CTIF: variants seen among roughly 807,000 people sequenced by gnomAD.
CTIF encodes cap binding complex dependent translation initiation factor.
CTIF carries 21 observed loss-of-function variants against 66.0 expected under a neutral mutation model. The ratio of observed to expected loss-of-function variants is 0.32; its 90% confidence interval spans 0.23 to 0.46. CTIF has a LOEUF of 0.46. CTIF is among the 20% of genes least tolerant of loss of function. The probability of loss-of-function intolerance (pLI) is 1.00; values close to 1 mark genes in which losing one functional copy is unlikely to be tolerated. For synonymous variants in CTIF, 345 were observed against 326.4 expected, an observed-to-expected ratio of 1.06 and a Z score of -0.62; for missense variants, 739 against 812.7, an observed-to-expected ratio of 0.91 and a Z score of 1.10.
At chr18:48,562,567 G>A (rs1178425024) in intron 1 of CTIF, among the ~76,000 whole-genome samples, 2 of 152,186 alleles carry the variant, frequency 1.3e-5, no homozygotes, top group Admixed American at 1.3e-4. Flanking sequence ...ACCTCTGGAG[G>A]CTATAACATC....
chr18:48,686,732 T>G (rs955695723), intron 6 of CTIF, among the ~76,000 whole-genome samples: 1 of 152,326 alleles, frequency 6.6e-6, no homozygotes, highest in South Asian at 2.1e-4. Context: ...TTCTGCTGTT[T>G]CCTGCCAACA....
At chr18:48,758,933 G>C (rs1215233930) in intron 8 of CTIF, among the ~76,000 whole-genome samples, 1 of 152,180 alleles carries the variant, frequency 6.6e-6, no homozygotes. Flanking sequence ...TCATCACCCA[G>C]AGGCCAGGGA....
At chr18:48,787,944 T>C (rs976726431) in intron 9 of CTIF, among the ~76,000 whole-genome samples, 9 of 152,184 alleles carry the variant, frequency 5.9e-5, no homozygotes, top group African/African-American at 2.2e-4. Flanking sequence ...CTGCGTTTGG[T>C]GTCTGTCCTG....
At chr18:48,688,203 C>T (rs1455993156) in intron 6 of CTIF, 1 of 152,304 alleles carries the variant, frequency 6.6e-6, no homozygotes, top group Admixed American at 6.5e-5. Flanking sequence ...CTCCTCCTCT[C>T]AAGAACACTA....
chr18:48,832,692 T>G (rs2068719331), intron 10 of CTIF, among the ~76,000 whole-genome samples: 1 of 152,158 alleles, frequency 6.6e-6, no homozygotes, highest in Non-Finnish European at 1.5e-5. Context: ...ATTAAGACCT[T>G]CTCCCTTACT....
At chr18:48,602,342 C>T (rs1036766491) in intron 1 of CTIF, among the ~76,000 whole-genome samples, 8 of 152,158 alleles carry the variant, frequency 5.3e-5, no homozygotes, top group African/African-American at 1.7e-4. Context: ...CTCATGCATG[C>T]TAAACAATGC....
chr18:48,740,993 T>G (rs943739033), intron 7 of CTIF, among the ~76,000 whole-genome samples: 2 of 152,260 alleles, frequency 1.3e-5, no homozygotes, highest in Non-Finnish European at 2.9e-5. Context: ...TCTTTATGCC[T>G]GTTTCATCAG....
rs565124179 is a variant in CTIF, at chr18:48,861,272, G to C, written c.*1713G>C. Reference sequence around the variant, plus strand: ...GCCTGTTGGCGACAAGGTGTAGGGGGCACAAGTTTACCTGAAACAGGTCAG... The same window carrying C: ...GCCTGTTGGCGACAAGGTGTAGGGGCCACAAGTTTACCTGAAACAGGTCAG... On this transcript the variant is annotated 3_prime_UTR_variant, in exon 12 of 12. Transcript: ENST00000256413. The C allele has an allele frequency of 6.6e-6, 1 of 152,296 alleles. No individual in the cohort carries two copies. The highest frequency in any genetic ancestry group is 2.4e-5 in the African/African-American group (1 of 41,436). 9.4% of individuals were successfully genotyped at this position (152,296 alleles called of 1,614,324 possible).
chr18:48,668,274 G>A (rs980966749), intron 5 of CTIF, among the ~76,000 whole-genome samples: 3 of 152,224 alleles, frequency 2.0e-5, no homozygotes, highest in Admixed American at 1.3e-4. Flanking sequence ...GTCCTGAGGT[G>A]TGTTTTACCC....
At chr18:48,583,092 G>A (rs1451106832) in intron 1 of CTIF, among the ~76,000 whole-genome samples, 1 of 152,198 alleles carries the variant, frequency 6.6e-6, no homozygotes, top group East Asian at 1.9e-4. Context: ...GCCCAGATGG[G>A]AACTGCTGGC....
At chr18:48,645,607 C>T (rs74450516) in intron 3 of CTIF, among the ~76,000 whole-genome samples, 2,110 of 152,342 alleles carry the variant, frequency 0.014, 54 homozygotes, top group African/African-American at 0.048. Context: ...CTCCTACCCA[C>T]GCCCCATGGT....
chr18:48,785,840 C>T (rs1457710877), intron 9 of CTIF, among the ~76,000 whole-genome samples: 1 of 152,198 alleles, frequency 6.6e-6, no homozygotes, highest in Non-Finnish European at 1.5e-5. Context: ...GTGTCACCAT[C>T]TTATGGGTAG....
chr18:48,784,810 C>T (rs1351705425), intron 9 of CTIF, among the ~76,000 whole-genome samples: 1 of 152,150 alleles, frequency 6.6e-6, no homozygotes, highest in Non-Finnish European at 1.5e-5. Context: ...ATCAGCACCA[C>T]AAGCAGGAGG....
intron 1 of CTIF, 116 bp from the exon 2 acceptor site, chr18:48,619,422 A>T: frequency 1.5e-6 from 1 of 655,834 alleles, no homozygotes; most frequent in Non-Finnish European, 2.3e-6. Context: ...TTGGAAGAAC[A>T]GAACGCCATG....
rs998215233 is a variant in CTIF, at chr18:48,556,749, G to A, written c.-29+17437G>A. On this transcript the variant is annotated intron_variant, in intron 1 of 11. Coordinates refer to ENST00000256413, the MANE Select transcript of CTIF (RefSeq NM_014772.3). ...CTGGCTAATTTTTGTATTTTTGGTAGAGATGGGGTTTCACCATGTTGGCCA... is the reference window on the plus strand; with the variant it reads ...CTGGCTAATTTTTGTATTTTTGGTAAAGATGGGGTTTCACCATGTTGGCCA... 2.6e-5 allele frequency among the ~76,000 whole-genome samples: 4 copies of A among 152,178 alleles called. No individual in the cohort carries two copies. The East Asian group carries it at 7.7e-4, about 29-fold the overall frequency.
intron 7 of CTIF, among the ~76,000 whole-genome samples, chr18:48,724,942 AT>A (rs1314400083): frequency 6.6e-6 from 1 of 152,230 alleles, no homozygotes; most frequent in Non-Finnish European, 1.5e-5. Context: ...CAAGGGGAGG[AT>A]TTGGTGGACA....
At chr18:48,540,724 C>T (rs757435501) in intron 1 of CTIF, among the ~76,000 whole-genome samples, 7 of 151,922 alleles carry the variant, frequency 4.6e-5, no homozygotes, top group Non-Finnish European at 1.0e-4. Context: ...CACACGGCTC[C>T]GGTGTGTGTG....
At chr18:48,817,898 C>T (rs1356427455) in intron 10 of CTIF, among the ~76,000 whole-genome samples, 2 of 152,204 alleles carry the variant, frequency 1.3e-5, no homozygotes, top group Non-Finnish European at 2.9e-5. Flanking sequence ...CCCCTTCCCC[C>T]GTGGGGTGTT....
At chr18:48,571,480 G>A (rs908604955) in intron 1 of CTIF, among the ~76,000 whole-genome samples, 9 of 152,106 alleles carry the variant, frequency 5.9e-5, no homozygotes, top group Non-Finnish European at 8.8e-5. Context: ...AAAATATTTT[G>A]TTTCCCCTTT....
Sources: gnomAD v4.1 joint callset for allele counts (sites outside exome capture counted in the v4.1 genomes callset) on GRCh38, gnomAD v4.1.1 for gene constraint, MANE v1.5 for transcripts, NCBI Gene and HGNC (gene_info 2026-07-23, HGNC 2026-07-21) for gene names.